Variants in PNPLA2 observed in about 807,000 individuals in gnomAD.
PNPLA2 encodes patatin-like phospholipase domain-containing protein 2.
In PNPLA2, 28 loss-of-function variants were observed where a neutral mutation model predicts 39.7. That is an observed-to-expected ratio of 0.70 (90% confidence interval 0.52 to 0.97). PNPLA2 has a LOEUF of 0.97. PNPLA2 is among the 50% of genes least tolerant of loss of function. The pLI is 0.00. For synonymous variants in PNPLA2, 392 were observed against 321.1 expected, an observed-to-expected ratio of 1.22 and a Z score of -2.36; for missense variants, 768 against 698.2, an observed-to-expected ratio of 1.10 and a Z score of -1.13.
Position 824,650 on chromosome 11 carries a change from A to C in PNPLA2, c.1303A>C (p.Lys435Gln), listed in dbSNP as rs1440541024. 6.3e-7 allele frequency: 1 copy of C among 1,597,452 alleles called. No homozygotes were observed. Among genetic ancestry groups the C allele is most frequent in the African/African-American group, 1.3e-5 (1 of 74,796 alleles). ...NNLSLGDALA[K>Q]WEECQRQLLL... ...CCTCTCGCTGGGGGACGCGCTGGCC[A>C]AGTGGGAGGAGTGCCAGCGCCAGCT... is the stretch of plus-strand genomic sequence containing the variant. The change falls in exon 10 of 10, where the codon AAG (lysine) becomes CAG (glutamine). Residue 435 changes from lysine to glutamine, a missense_variant. Lys to Gln is a moderately conservative substitution (Grantham distance 53, BLOSUM62 1). Transcript: ENST00000336615.
At chr11:819,953 G>A (rs1014469654) in intron 2 of PNPLA2, 48 bp downstream of exon 2, 16 of 1,278,328 alleles carry the variant, frequency 1.3e-5, no homozygotes, top group Non-Finnish European at 1.5e-5. Context: ...GGAAGGCCGT[G>A]CGGGGCCGGG....
Position 824,794 on chromosome 11 carries a change from G to C in PNPLA2, c.1447G>C (p.Gly483Arg), listed in dbSNP as rs557790601. The C allele has an allele frequency of 6.6e-4, 1,008 of 1,532,774 alleles. 1 individual carries two copies. Among genetic ancestry groups the C allele is most frequent in the Non-Finnish European group, 8.3e-4 (953 of 1,145,114 alleles). The allele number at this position is 1,532,774 out of a possible 1,614,324, so 94.9% of individuals were successfully genotyped here. A position where few individuals can be genotyped will look rare whatever the true frequency, so the allele number is the denominator to read the frequency against. ...DPASPQHQLA[G>R]PAPLLSTPAP... ...AGCATCCCCGCAGCACCAGCTGGCC[G>C]GGCCTGCCCCCTTGCTGAGCACCCC... The change falls in exon 10 of 10, where the codon GGG becomes CGG. Residue 483 changes from glycine to arginine, a missense_variant. Transcript: ENST00000336615.
intron 3 of PNPLA2, 36 bp downstream of exon 3, chr11:821,896 G>C (rs202218142): frequency 1.2e-4 from 186 of 1,610,228 alleles, no homozygotes; most frequent in Admixed American, 2.2e-4. Context: ...GTGGCGGTGG[G>C]GGGGGCAGTG....
chr11:824,149 C>G lies in PNPLA2; in HGVS notation c.1052+19C>G, dbSNP rs772495483. 6.3e-7 allele frequency: 1 copy of G among 1,583,592 alleles called. No homozygotes were observed. Among genetic ancestry groups the G allele is most frequent in the South Asian group, 1.1e-5 (1 of 87,656 alleles). The stretch of plus-strand genomic sequence containing the variant: ...CCATCCGGTGTGAGGGCTGGGGGGT[C>G]GGGAGAGGGGCCCAGGGGACGGACT... On this transcript the variant is annotated intron_variant, in intron 8 of 9. Transcript: ENST00000336615.
rs538511494 is a variant in PNPLA2, at chr11:822,504, C to G, written c.594C>G (p.Ser198Arg). 3 of 1,613,976 alleles carry G rather than the reference C, an allele frequency of 1.9e-6. No individual in the cohort carries two copies. The highest frequency in any genetic ancestry group is 2.5e-6 in the Non-Finnish European group (3 of 1,179,874). Residue 198 changes from serine to arginine, a missense_variant, in exon 5 of 10, where the codon AGC becomes AGG. Ser to Arg is a moderately radical substitution (Grantham distance 110). Coordinates refer to ENST00000336615, the MANE Select transcript of PNPLA2 (RefSeq NM_020376.4). ...SGESDICPQD[S>R]STNIHELRVT... Reference sequence around the variant, plus strand: ...AGAGTGACATCTGTCCGCAGGACAGCTCCACCAACATCCACGAGCTGCGGG... The same window carrying G: ...AGAGTGACATCTGTCCGCAGGACAGGTCCACCAACATCCACGAGCTGCGGG...
rs568660338 is a variant in PNPLA2 at position 824,675 on chromosome 11, T to A, written c.1328T>A (p.Leu443Gln). 1 of 1,597,100 alleles carries A rather than the reference T, an allele frequency of 6.3e-7. No homozygotes were observed. The highest frequency in any genetic ancestry group is 1.1e-5 in the South Asian group (1 of 90,426). Residue 443 changes from leucine (L) to glutamine (Q), a missense_variant, in exon 10 of 10, where the codon CTG (leucine) becomes CAG (glutamine). Coordinates refer to ENST00000336615, the MANE Select transcript of PNPLA2 (RefSeq NM_020376.4). The stretch of plus-strand genomic sequence containing the variant: ...AAGTGGGAGGAGTGCCAGCGCCAGC[T>A]GCTGCTCGGCCTCTTCTGCACCAAC... ...LAKWEECQRQLLLGLFCTNVA... is the reference protein window; with the variant it reads ...LAKWEECQRQQLLGLFCTNVA...
In PNPLA2 at chr11:819,776, G is replaced by GA; in HGVS notation, c.58_59insA (p.Val20AspfsTer45). On this transcript the variant is annotated frameshift_variant, in exon 2 of 10. Transcript: ENST00000336615. LOFTEE classifies it high-confidence loss of function. Reference sequence around the variant, plus strand: ...GTTCGCGGGCTGCGGCTTCCTCGGCGTCTACTACGTCGGCGTGGCCTCCTG... The same window carrying GA: ...GTTCGCGGGCTGCGGCTTCCTCGGCGATCTACTACGTCGGCGTGGCCTCCTG... The GA allele has an allele frequency of 6.6e-7, 1 of 1,516,568 alleles. No homozygotes were observed. The highest frequency in any genetic ancestry group is 1.4e-5 in the African/African-American group (1 of 69,394). 93.9% of individuals were successfully genotyped at this position (1,516,568 alleles called of 1,614,324 possible).
intron 7 of PNPLA2, 43 bp downstream of exon 7, chr11:823,898 G>A (rs1313371935): frequency 7.7e-6 from 12 of 1,555,884 alleles, no homozygotes; most frequent in Non-Finnish European, 1.0e-5. Context: ...GAGGCAGGAG[G>A]GAAAGAGAGA....
chr11:822,305 GGGCCCTTGGT>G lies in PNPLA2; in HGVS notation c.487-87_487-78del, dbSNP rs201746782. 1.7e-3 allele frequency: 1,953 copies of G among 1,172,438 alleles called. 23 individuals are homozygous for G. The African/African-American group carries it at 0.023, about 14-fold the overall frequency. 72.6% of individuals were successfully genotyped at this position (1,172,438 alleles called of 1,614,324 possible). A position where few individuals can be genotyped will look rare whatever the true frequency, so the allele number is the denominator to read the frequency against. On this transcript the variant is annotated intron_variant, in intron 4 of 9. Transcript: ENST00000336615. ...GCTCAAATGAGGTAGCCACTGAATGGGGCCCTTGGTGGCCGGGTGGGGTGGCTGGGGTGGG... is the reference window on the plus strand; with the variant it reads ...GCTCAAATGAGGTAGCCACTGAATGGGGCCGGGTGGGGTGGCTGGGGTGGG...
rs1845847367 is a variant in PNPLA2, at chr11:825,102, T to G, written c.*240T>G. The G allele has an allele frequency of 1.2e-5, 7 of 576,688 alleles. No individual in the cohort carries two copies. In the South Asian group the frequency reaches 1.2e-4, roughly 10 times the overall value. 35.7% of individuals were successfully genotyped at this position (576,688 alleles called of 1,614,324 possible). ...TGCCCGAGCACCTCCCCCGCCCCTT[T>G]ACTCCTGAGAACTTTGCAGCTGCCC... On this transcript the variant is annotated 3_prime_UTR_variant, in exon 10 of 10. Transcript: ENST00000336615.
chr11:825,070 C>T lies in PNPLA2; in HGVS notation c.*208C>T, dbSNP rs1845845773. ...GCACCTGTGCCTTAATCTTCCCTCC[C>T]CTGTGCTGCCCGAGCACCTCCCCCG... On this transcript the variant is annotated 3_prime_UTR_variant, in exon 10 of 10. Coordinates refer to ENST00000336615, the MANE Select transcript of PNPLA2 (RefSeq NM_020376.4). The T allele has an allele frequency of 3.3e-6, 2 of 601,942 alleles. No homozygotes were observed. The highest frequency in any genetic ancestry group is 5.9e-6 in the Non-Finnish European group (2 of 337,324). The allele number at this position is 601,942 out of a possible 1,614,324, so 37.3% of individuals were successfully genotyped here.
intron 2 of PNPLA2, 137 bp downstream of exon 2, chr11:820,042 A>T (rs1845617261): frequency 1.7e-6 from 1 of 586,058 alleles, no homozygotes; most frequent in Non-Finnish European, 2.6e-6. Context: ...CGCCTGGGGA[A>T]CCCGGCGAGG....
chr11:824,735 C>T lies in PNPLA2; in HGVS notation c.1388C>T (p.Ala463Val), dbSNP rs1182992531. 1.3e-6 allele frequency: 2 copies of T among 1,562,456 alleles called. No individual in the cohort carries two copies. Among genetic ancestry groups the T allele is most frequent in the Non-Finnish European group, 1.7e-6 (2 of 1,161,780 alleles). ...AFPPEALRMR[A>V]PADPAPAPAD... ...CCGCCCGAAGCTCTGCGCATGCGCG[C>T]ACCCGCCGACCCGGCTCCCGCCCCC... The change falls in exon 10 of 10, where the codon GCA becomes GTA. Residue 463 changes from alanine to valine, a missense_variant. Transcript: ENST00000336615.
At chr11:820,417 C>T (rs1355153841) in intron 2 of PNPLA2, among the ~76,000 whole-genome samples, 2 of 152,210 alleles carry the variant, frequency 1.3e-5, no homozygotes, top group African/African-American at 4.8e-5. Flanking sequence ...GGGCTGGGCG[C>T]GAAGGGGCTC....
chr11:819,512 C>T (rs926183830), intron 1 of PNPLA2, 62 bp from the exon 2 acceptor site: 109 of 1,252,782 alleles, frequency 8.7e-5, no homozygotes, highest in Non-Finnish European at 1.0e-4. Context: ...TCTTCGTGTG[C>T]CGGCCCCGCC....
intron 3 of PNPLA2, 30 bp downstream of exon 3, chr11:821,890 C>G: frequency 5.6e-6 from 9 of 1,606,202 alleles, no homozygotes; most frequent in Non-Finnish European, 7.7e-6. Context: ...TGCTGGGTGG[C>G]GGTGGGGGGG....
chr11:820,660 C>T (rs1279795093), intron 2 of PNPLA2, among the ~76,000 whole-genome samples: 1 of 152,232 alleles, frequency 6.6e-6, no homozygotes, highest in Non-Finnish European at 1.5e-5. Flanking sequence ...GACAGGGGCA[C>T]TCTGCTCAGC....
At chr11:819,491 G>T (rs1175310730) in intron 1 of PNPLA2, 83 bp from the exon 2 acceptor site, 4 of 1,231,680 alleles carry the variant, frequency 3.2e-6, no homozygotes, top group Non-Finnish European at 4.1e-6. Context: ...TTCCCTGCGC[G>T]CCCCGATTGG....
Position 824,341 on chromosome 11 carries a change from C to G in PNPLA2, c.1080C>G (p.Pro360=). The change falls in exon 9 of 10, where the codon CCC becomes CCG. Residue 360 remains proline (P), a synonymous_variant. Coordinates refer to ENST00000336615, the MANE Select transcript of PNPLA2 (RefSeq NM_020376.4). ...TGCTGGAGTGGCTGCCCGACGTTCC[C>G]GAGGACATCCGGTGGATGAAGGAGC... ...IRLLEWLPDV[P]EDIRWMKEQT... The G allele has an allele frequency of 1.3e-6, 2 of 1,551,218 alleles. No homozygotes were observed. Among genetic ancestry groups the G allele is most frequent in the Non-Finnish European group, 1.7e-6 (2 of 1,147,524 alleles).
Sources: allele counts gnomAD v4.1 joint callset (sites outside exome capture counted in the v4.1 genomes callset), GRCh38; gene constraint gnomAD v4.1.1; transcripts MANE v1.5; gene names NCBI Gene and HGNC (gene_info 2026-07-23, HGNC 2026-07-21).